Variants in HSF2BP observed in about 807,000 individuals in gnomAD.
HSF2BP encodes heat shock factor 2-binding protein.
A neutral mutation model predicts 35.0 loss-of-function variants in HSF2BP; 35 were observed. The observed-to-expected ratio is 1.00, with a 90% CI of 0.76 to 1.32. The LOEUF (loss-of-function observed/expected upper bound fraction) is 1.32, where lower values mean the gene tolerates loss of function less well. Among genes scored for constraint, HSF2BP ranks in the 40% most tolerant of loss-of-function variants. The pLI, the probability that HSF2BP is intolerant of heterozygous loss-of-function variation, is 0.00. For missense variants in HSF2BP, 326 were observed against 321.7 expected (o/e 1.01, Z -0.10); for synonymous variants, 114 against 117.4 (o/e 0.97, Z 0.18).
Position 43,613,829 on chromosome 21 carries a change from C to T in HSF2BP, c.692+1G>A. The T allele has an allele frequency of 6.3e-7, 1 of 1,592,194 alleles. No homozygotes were observed. The highest frequency in any genetic ancestry group is 8.6e-7 in the Non-Finnish European group (1 of 1,160,134). ...TAACTTTTTAACATTATCCACCATA[C>T]ACTTTGAGTTTGGTACACTGTCCTG... On this transcript the variant is annotated splice_donor_variant, in intron 7 of 8. Coordinates refer to ENST00000291560, the MANE Select transcript of HSF2BP (RefSeq NM_007031.2). LOFTEE classifies it high-confidence loss of function.
chr21:43,591,214 G>C (rs1015371869), intron 8 of HSF2BP, among the ~76,000 whole-genome samples: 1 of 152,190 alleles, frequency 6.6e-6, no homozygotes, highest in African/African-American at 2.4e-5. Flanking sequence ...TGGTAGTTAA[G>C]GGTGAAGAGG....
intron 4 of HSF2BP, among the ~76,000 whole-genome samples, chr21:43,638,233 G>A (rs1010171792): frequency 2.0e-5 from 3 of 152,100 alleles, no homozygotes; most frequent in African/African-American, 7.2e-5. Flanking sequence ...CAAGGCAGGC[G>A]GATCACTTGA....
At chr21:43,625,981 C>T (rs1213143979) in intron 6 of HSF2BP, among the ~76,000 whole-genome samples, 1 of 152,148 alleles carries the variant, frequency 6.6e-6, no homozygotes, top group African/African-American at 2.4e-5. Flanking sequence ...TTTGGGGTCA[C>T]TTGCAAAGAG....
At chr21:43,643,755 G>A (rs193145388) in intron 4 of HSF2BP, among the ~76,000 whole-genome samples, 290 of 152,198 alleles carry the variant, frequency 1.9e-3, no homozygotes, top group African/African-American at 6.5e-3. Context: ...TCTGGAGATC[G>A]AGACCATCCT....
chr21:43,573,839 A>G (rs12106466), intron 8 of HSF2BP, among the ~76,000 whole-genome samples: 6,902 of 152,218 alleles, frequency 0.045, 528 homozygotes, highest in African/African-American at 0.16. Flanking sequence ...ATCTGCATCC[A>G]GCTCCCCACT....
intron 2 of HSF2BP, 191 bp downstream of exon 2, chr21:43,657,870 A>G: frequency 4.1e-6 from 4 of 985,422 alleles, no homozygotes; most frequent in Non-Finnish European, 4.8e-6. Flanking sequence ...GTGGGTTTGG[A>G]GGCGAAGTCG....
chr21:43,655,932 T>G (rs1252448824), intron 3 of HSF2BP, among the ~76,000 whole-genome samples: 1 of 152,134 alleles, frequency 6.6e-6, no homozygotes, highest in African/African-American at 2.4e-5. Flanking sequence ...GGATGCACCT[T>G]TTCTAGAGGG....
At chr21:43,608,078 A>G (rs2082156476) in intron 7 of HSF2BP, among the ~76,000 whole-genome samples, 1 of 152,106 alleles carries the variant, frequency 6.6e-6, no homozygotes, top group Admixed American at 6.6e-5. Flanking sequence ...TTGCAACAAA[A>G]CCGAAAATTG....
chr21:43,645,271 A>G (rs2082693671), intron 3 of HSF2BP, among the ~76,000 whole-genome samples: 1 of 152,210 alleles, frequency 6.6e-6, no homozygotes, highest in Non-Finnish European at 1.5e-5. Flanking sequence ...GGACTTGATA[A>G]TACAGAGTCG....
At chr21:43,596,650 G>A (rs1485163335) in intron 7 of HSF2BP, among the ~76,000 whole-genome samples, 1 of 152,056 alleles carries the variant, frequency 6.6e-6, no homozygotes, top group African/African-American at 2.4e-5. Context: ...AAGACTGCTT[G>A]AGCCCGGAGT....
intron 8 of HSF2BP, among the ~76,000 whole-genome samples, chr21:43,585,216 C>G (rs1488792246): frequency 6.6e-6 from 1 of 152,078 alleles, no homozygotes; most frequent in Non-Finnish European, 1.5e-5. Context: ...GAGGCTGGAG[C>G]AGGAGGATCC....
At chr21:43,612,576 G>A (rs1482370498) in intron 7 of HSF2BP, among the ~76,000 whole-genome samples, 1 of 151,202 alleles carries the variant, frequency 6.6e-6, no homozygotes, top group Non-Finnish European at 1.5e-5. Context: ...GTGTGAACCC[G>A]GGAGGCGGAG....
intron 8 of HSF2BP, among the ~76,000 whole-genome samples, chr21:43,588,024 C>T (rs2081877760): frequency 6.6e-6 from 1 of 152,190 alleles, no homozygotes; most frequent in African/African-American, 2.4e-5. Flanking sequence ...CATATTGTTT[C>T]AGGGCAACTG....
At position 43,658,155 on chromosome 21, in the gene HSF2BP, G is replaced by C; in HGVS notation, c.-59C>G. Reference sequence around the variant, plus strand: ...GTCGGCGCGCCCTCTGACCCCTCACGCCAGAAAGCGCGGGAACGAATCCAC... The same window carrying C: ...GTCGGCGCGCCCTCTGACCCCTCACCCCAGAAAGCGCGGGAACGAATCCAC... On this transcript the variant is annotated 5_prime_UTR_variant, in exon 2 of 9. Coordinates refer to ENST00000291560, the MANE Select transcript of HSF2BP (RefSeq NM_007031.2). 1 of 1,461,378 alleles carries C rather than the reference G, an allele frequency of 6.8e-7. No individual in the cohort carries two copies. Among genetic ancestry groups the C allele is most frequent in the Non-Finnish European group, 9.0e-7 (1 of 1,108,388 alleles). 90.5% of individuals were successfully genotyped at this position (1,461,378 alleles called of 1,614,324 possible). A position where few individuals can be genotyped will look rare whatever the true frequency, so the allele number is the denominator to read the frequency against.
intron 6 of HSF2BP, among the ~76,000 whole-genome samples, chr21:43,614,338 G>A (rs1213210772): frequency 6.6e-6 from 1 of 151,282 alleles, no homozygotes; most frequent in South Asian, 2.1e-4. Flanking sequence ...ACTCCAGCCT[G>A]GGTGACAGAG....
intron 6 of HSF2BP, among the ~76,000 whole-genome samples, chr21:43,629,873 C>G (rs571050638): frequency 6.6e-6 from 1 of 152,254 alleles, no homozygotes; most frequent in Admixed American, 6.5e-5. Context: ...GAAAGATGTT[C>G]TACTGTGGAA....
chr21:43,613,505 G>A (rs1416459521), intron 7 of HSF2BP, among the ~76,000 whole-genome samples: 1 of 152,170 alleles, frequency 6.6e-6, no homozygotes, highest in Non-Finnish European at 1.5e-5. Context: ...GTGATAATTT[G>A]TTACATAAAA....
At chr21:43,592,184 T>C (rs780516237) in intron 8 of HSF2BP, 41 bp downstream of exon 8, 50 of 1,352,930 alleles carry the variant, frequency 3.7e-5, no homozygotes, top group Non-Finnish European at 4.9e-5. Flanking sequence ...GACTACTGCA[T>C]AACCCGTACA....
intron 7 of HSF2BP, among the ~76,000 whole-genome samples, chr21:43,594,551 A>G (rs2081962720): frequency 6.6e-6 from 1 of 152,230 alleles, no homozygotes; most frequent in African/African-American, 2.4e-5. Flanking sequence ...CACTGAAAGA[A>G]ACAAGGGTAA....
Sources: gnomAD v4.1 joint callset for allele counts (sites outside exome capture counted in the v4.1 genomes callset) on GRCh38, gnomAD v4.1.1 for gene constraint, MANE v1.5 for transcripts, NCBI Gene and HGNC (gene_info 2026-07-23, HGNC 2026-07-21) for gene names.